The following OSBPL10 variants were observed in gnomAD, a reference collection of about 807,000 sequenced individuals.
The protein encoded by OSBPL10 is oxysterol-binding protein-related protein 10.
In OSBPL10, 49 loss-of-function variants were observed where a neutral mutation model predicts 81.7. The ratio of observed to expected loss-of-function variants is 0.60; its 90% CI spans 0.48 to 0.76. The LOEUF is 0.76. Ranked by LOEUF, OSBPL10 falls within the 30% of genes least tolerant of loss-of-function variation. OSBPL10 has a pLI of 0.00. For missense variants in OSBPL10, 923 were observed against 987.8 expected (o/e 0.93, Z 0.88); for synonymous variants, 419 against 383.6 (o/e 1.09, Z -1.08).
intron 4 of OSBPL10, among the ~76,000 whole-genome samples, chr3:31,793,401 G>A (rs1163510588): frequency 6.6e-6 from 1 of 152,160 alleles, no homozygotes; most frequent in African/African-American, 2.4e-5. Context: ...TAAAACATAT[G>A]GAGGGCTTTT....
intron 4 of OSBPL10, among the ~76,000 whole-genome samples, chr3:31,811,642 A>C (rs1336024318): frequency 6.6e-6 from 1 of 152,244 alleles, no homozygotes; most frequent in Non-Finnish European, 1.5e-5. Context: ...ATAACAGGAT[A>C]TATCAAGTCC....
At chr3:31,931,957 A>T (rs1344680016) in intron 1 of OSBPL10, among the ~76,000 whole-genome samples, 1 of 152,092 alleles carries the variant, frequency 6.6e-6, no homozygotes, top group Non-Finnish European at 1.5e-5. Context: ...TGAGAGGATC[A>T]CTTGAACCCA....
intron 1 of OSBPL10, among the ~76,000 whole-genome samples, chr3:31,883,587 A>G (rs183692033): frequency 2.1e-5 from 3 of 143,536 alleles, no homozygotes; most frequent in East Asian, 2.1e-4. Context: ...GCAGGACTGC[A>G]ATGGTGTGAT....
chr3:31,899,319 A>G (rs537543840), intron 1 of OSBPL10, among the ~76,000 whole-genome samples: 2 of 152,262 alleles, frequency 1.3e-5, no homozygotes, highest in African/African-American at 4.8e-5. Flanking sequence ...CATAAATTCC[A>G]AAAGAGTAAG....
intron 2 of OSBPL10, chr3:31,990,745 C>T: frequency 6.2e-7 from 1 of 1,613,956 alleles, no homozygotes; most frequent in Non-Finnish European, 8.5e-7. Context: ...CCATGAAACA[C>T]ATAAGAGAAT....
At chr3:31,996,751 C>T (rs1394201312) in intron 2 of OSBPL10, among the ~76,000 whole-genome samples, 1 of 151,934 alleles carries the variant, frequency 6.6e-6, no homozygotes, top group Non-Finnish European at 1.5e-5. Flanking sequence ...GCCGAAAAAC[C>T]AGCAAAAAGA....
intron 1 of OSBPL10, among the ~76,000 whole-genome samples, chr3:31,939,440 G>A: frequency 6.6e-6 from 1 of 150,398 alleles, no homozygotes; most frequent in East Asian, 1.9e-4. Context: ...ACCACACCTG[G>A]CCAACTCTTT....
At chr3:31,689,044 A>C (rs958208566) in intron 7 of OSBPL10, among the ~76,000 whole-genome samples, 3 of 152,222 alleles carry the variant, frequency 2.0e-5, no homozygotes, top group African/African-American at 7.2e-5. Context: ...TCAAAAGGAA[A>C]AACAAAGGCT....
intron 3 of OSBPL10, among the ~76,000 whole-genome samples, chr3:31,832,773 G>A (rs1306554869): frequency 6.6e-6 from 1 of 152,152 alleles, no homozygotes; most frequent in East Asian, 1.9e-4. Context: ...GCCTGAGTAG[G>A]CTTTGGGAAG....
rs149239703 is a variant in OSBPL10, at chr3:31,842,908, G to A, written c.538-12677C>T. Among the ~76,000 whole-genome samples, 1,207 of 152,272 alleles carry A rather than the reference G, an allele frequency of 7.9e-3. 11 individuals are homozygous for A. The highest frequency in any genetic ancestry group is 0.032 in the South Asian group (155 of 4,822). ...CTGAGAATACGTTCCATAATAGAAC[G>A]CTATCATTTGGGGATATTCCTAAAA... On this transcript the variant is annotated intron_variant, in intron 3 of 11. Coordinates refer to ENST00000396556, the MANE Select transcript of OSBPL10 (RefSeq NM_017784.5).
At chr3:31,896,877 G>A (rs1287614455) in intron 1 of OSBPL10, among the ~76,000 whole-genome samples, 2 of 152,122 alleles carry the variant, frequency 1.3e-5, no homozygotes, top group African/African-American at 2.4e-5. Context: ...GGGAGTTAAG[G>A]GTCCCTGGTT....
chr3:31,789,313 C>A (rs1028628778), intron 4 of OSBPL10, among the ~76,000 whole-genome samples: 1 of 152,150 alleles, frequency 6.6e-6, no homozygotes, highest in African/African-American at 2.4e-5. Flanking sequence ...CGCACAGATT[C>A]AATGAAAGGC....
chr3:31,729,176 T>C (rs995046034), intron 6 of OSBPL10, among the ~76,000 whole-genome samples: 2 of 152,230 alleles, frequency 1.3e-5, no homozygotes, highest in Admixed American at 6.5e-5. Context: ...TAAGGTTTTG[T>C]TGCTCAGATA....
At chr3:31,865,882 A>G (rs773768131) in intron 3 of OSBPL10, among the ~76,000 whole-genome samples, 1 of 152,220 alleles carries the variant, frequency 6.6e-6, no homozygotes, top group Non-Finnish European at 1.5e-5. Flanking sequence ...TATTTAGTAT[A>G]AGCGTAAACA....
At chr3:31,743,349 CTTAATT>C (rs1697417652) in intron 5 of OSBPL10, among the ~76,000 whole-genome samples, 1 of 152,102 alleles carries the variant, frequency 6.6e-6, no homozygotes, top group South Asian at 2.1e-4. Context: ...AAATTACTTT[CTTAATT>C]TTAATTACAT....
rs143231828 is a variant in OSBPL10, at chr3:32,062,742, T to C, written n.185+14654A>G. On this transcript the variant is annotated intron_variant and non_coding_transcript_variant, in intron 1 of 3. Coordinates refer to the OSBPL10 transcript ENST00000479173. ...CAGCAAAGGACTTGTGGATGTATTA[T>C]GGATTTCCAGACAAACAGGACAGTA... 1.8e-3 allele frequency among the ~76,000 whole-genome samples: 170 copies of C among 94,870 alleles called. 42 individuals carry two copies. In the East Asian group the frequency reaches 0.03, roughly 17 times the overall value. The allele number at this position is 94,870 out of a possible 152,430, so 62.2% of individuals were successfully genotyped here.
At chr3:31,728,676 T>C (rs1279409655) in intron 6 of OSBPL10, among the ~76,000 whole-genome samples, 1 of 152,054 alleles carries the variant, frequency 6.6e-6, no homozygotes, top group Non-Finnish European at 1.5e-5. Context: ...CATATATATA[T>C]GACATTCCGG....
At chr3:31,772,521 C>T (rs1388572994) in intron 4 of OSBPL10, among the ~76,000 whole-genome samples, 1 of 152,144 alleles carries the variant, frequency 6.6e-6, no homozygotes. Flanking sequence ...AGTGGTAAGC[C>T]GTTTGCCTGA....
chr3:31,900,500 T>C (rs1696204402), intron 1 of OSBPL10, among the ~76,000 whole-genome samples: 1 of 152,176 alleles, frequency 6.6e-6, no homozygotes, highest in Non-Finnish European at 1.5e-5. Flanking sequence ...ACAAGACCCA[T>C]TGTTCCCCAA....
Sources: gnomAD v4.1 joint callset for allele counts (sites outside exome capture counted in the v4.1 genomes callset) on GRCh38, gnomAD v4.1.1 for gene constraint, MANE v1.5 for transcripts, NCBI Gene and HGNC (gene_info 2026-07-23, HGNC 2026-07-21) for gene names.